GIPC1: variants seen among roughly 807,000 people sequenced by gnomAD.
GIPC1 encodes the protein GIPC PDZ domain containing family member 1.
In GIPC1, 15 loss-of-function variants were observed where a neutral mutation model predicts 28.5. That is an observed-to-expected ratio of 0.53 (90% confidence interval 0.35 to 0.81). The LOEUF is 0.81. Among genes scored for constraint, GIPC1 ranks in the 30% least tolerant of loss-of-function variants. The probability of loss-of-function intolerance (pLI) is 0.01; values close to 1 mark genes in which losing one functional copy is unlikely to be tolerated. For synonymous variants in GIPC1, 224 were observed against 206.1 expected (o/e 1.09, Z -0.74); for missense variants, 439 against 481.9 (o/e 0.91, Z 0.83).
chr19:14,485,348 A>AT (rs34346515), intron 3 of GIPC1, among the ~76,000 whole-genome samples: 50,561 of 147,690 alleles, frequency 0.34, 8,702 homozygotes, highest in South Asian at 0.49. Context: ...ACACCCGACT[A>AT]TTTTTTTTTT....
intron 4 of GIPC1, chr19:14,482,472 C>T (rs948601504): frequency 1.3e-5 from 8 of 602,720 alleles, no homozygotes; most frequent in Non-Finnish European, 2.4e-5. Flanking sequence ...AGCATCCAGC[C>T]CTGGCCTCCA....
At chr19:14,488,015 C>T (rs2071883860) in intron 3 of GIPC1, among the ~76,000 whole-genome samples, 1 of 152,050 alleles carries the variant, frequency 6.6e-6, no homozygotes, top group Admixed American at 6.6e-5. Flanking sequence ...GGAGACAAAG[C>T]AAGACAAGTT....
At chr19:14,486,095 A>C (rs2071838558) in intron 3 of GIPC1, among the ~76,000 whole-genome samples, 1 of 152,148 alleles carries the variant, frequency 6.6e-6, no homozygotes, top group Non-Finnish European at 1.5e-5. Flanking sequence ...TCTGTTGCCC[A>C]GGCTGGTCTG....
Position 14,478,733 on chromosome 19 carries a change from C to T in GIPC1, c.801G>A (p.Lys267=). 1 of 1,613,982 alleles carries T rather than the reference C, an allele frequency of 6.2e-7. No individual in the cohort carries two copies. Among genetic ancestry groups the T allele is most frequent in the East Asian group, 2.2e-5 (1 of 44,866 alleles). The change falls in exon 8 of 9, where the codon AAG becomes AAA. Residue 267 remains lysine, a synonymous_variant. Coordinates refer to ENST00000393033, the MANE Select transcript of GIPC1 (RefSeq NM_005716.4). This position sits in a 1 kb window ranked among gnomAD's most constrained non-coding sequence, Gnocchi z 5.2. ...PSAFEEKAIE[K]VDDLLESYMG... ...TGTAACTCTCCAGCAGGTCATCCAC[C>T]TTCTCAATGGCCTTCTCTTCAAAGG...
intron 3 of GIPC1, 26 bp from the exon 4 acceptor site, chr19:14,483,032 G>T: frequency 1.3e-6 from 2 of 1,549,728 alleles, no homozygotes; most frequent in Non-Finnish European, 1.7e-6. Flanking sequence ...TGGGGCTCAG[G>T]GCCTGGGCAG....
chr19:14,488,483 G>C (rs1024206938), intron 3 of GIPC1, among the ~76,000 whole-genome samples: 1 of 151,778 alleles, frequency 6.6e-6, no homozygotes, highest in Admixed American at 6.6e-5. Flanking sequence ...GCCAGGCGCG[G>C]TGGCTCATGC....
chr19:14,494,028 C>G (rs1235475156), intron 1 of GIPC1, among the ~76,000 whole-genome samples: 1 of 150,722 alleles, frequency 6.6e-6, no homozygotes, highest in Non-Finnish European at 1.5e-5. Context: ...GGCACGATCT[C>G]AGCTCACTGC....
chr19:14,480,821 C>T (rs751591654), intron 4 of GIPC1, 43 bp from the exon 5 acceptor site: 5 of 1,424,854 alleles, frequency 3.5e-6, no homozygotes, highest in Non-Finnish European at 3.9e-6. Flanking sequence ...CCCTCCCTCC[C>T]CCTTTTCTAA....
At chr19:14,490,487 G>C (rs1379338404) in intron 3 of GIPC1, among the ~76,000 whole-genome samples, 3 of 151,366 alleles carry the variant, frequency 2.0e-5, no homozygotes, top group African/African-American at 7.3e-5. Flanking sequence ...AGACTGGCCT[G>C]ACCAACATGG....
At chr19:14,495,659 C>T (rs1266483539) in intron 1 of GIPC1, among the ~76,000 whole-genome samples, 1 of 152,152 alleles carries the variant, frequency 6.6e-6, no homozygotes, top group Non-Finnish European at 1.5e-5. Flanking sequence ...ACTGCGTCCC[C>T]CCCAAGGCCC....
intron 7 of GIPC1, among the ~76,000 whole-genome samples, chr19:14,479,082 T>C (rs373908177): frequency 2.6e-5 from 4 of 152,072 alleles, no homozygotes; most frequent in Non-Finnish European, 2.9e-5. Flanking sequence ...CGGTGGCTCA[T>C]GCCTATAATC....
rs1312045235 is a variant in GIPC1, at chr19:14,479,496, G to T, written c.684C>A (p.Gly228=). Residue 228 remains glycine (G), a synonymous_variant, in exon 7 of 9, where the codon GGC becomes GGA. Transcript: ENST00000393033. The part of the protein sequence containing the change: ...FDMISQRSAG[G]RPGSGPQLGT... ...CCAGTTGTGGGCCAGAGCCAGGGCG[G>T]CCACCCGCTGAACGCTGGCTGATCA... 6.9e-7 allele frequency: 1 copy of T among 1,443,032 alleles called. No individual in the cohort carries two copies. Among genetic ancestry groups the T allele is most frequent in the South Asian group, 1.5e-5 (1 of 67,948 alleles). The allele number at this position is 1,443,032 out of a possible 1,614,324, so 89.4% of individuals were successfully genotyped here. A position where few individuals can be genotyped will look rare whatever the true frequency, so the allele number is the denominator to read the frequency against.
intron 3 of GIPC1, chr19:14,489,696 G>A (rs2071924473): frequency 1.3e-6 from 1 of 755,784 alleles, no homozygotes; most frequent in Non-Finnish European, 2.4e-6. Flanking sequence ...ATTAGGTCAT[G>A]TACATTTTCA....
At chr19:14,480,263 G>T (rs1432281436) in intron 6 of GIPC1, 42 bp downstream of exon 6, 2 of 1,557,996 alleles carry the variant, frequency 1.3e-6, no homozygotes, top group Admixed American at 1.7e-5. Context: ...CTGCGCCCAT[G>T]CGAGCAGCGC....
In GIPC1 at chr19:14,478,264, G is replaced by A. The variant is rs1178525571; in HGVS notation, c.*152C>T. On this transcript the variant is annotated 3_prime_UTR_variant, in exon 9 of 9. Transcript: ENST00000393033. This position sits in a 1 kb window ranked among gnomAD's most constrained non-coding sequence, Gnocchi z 5.2. ...GGAGGGGATGGTACCGATTGGAGCGGGGCAGGGGGCCTGGCCCCACCTCCC... is the reference window on the plus strand; with the variant it reads ...GGAGGGGATGGTACCGATTGGAGCGAGGCAGGGGGCCTGGCCCCACCTCCC... 2.6e-6 allele frequency: 2 copies of A among 757,944 alleles called. No homozygotes were observed. The highest frequency in any genetic ancestry group is 5.4e-5 in the East Asian group (2 of 36,710). The allele number at this position is 757,944 out of a possible 1,614,324, so 47.0% of individuals were successfully genotyped here. A position where few individuals can be genotyped will look rare whatever the true frequency, so the allele number is the denominator to read the frequency against.
At chr19:14,489,486 A>G in intron 3 of GIPC1, 1 of 953,438 alleles carries the variant, frequency 1.0e-6, no homozygotes, top group South Asian at 1.3e-5. Flanking sequence ...TATTGCGGGG[A>G]TTTGATCCCT....
rs1433074755 is a variant in GIPC1, at chr19:14,496,074, G to T, written c.-212C>A. 8.3e-6 allele frequency: 2 copies of T among 240,466 alleles called. No individual in the cohort carries two copies. Among genetic ancestry groups the T allele is most frequent in the African/African-American group, 2.6e-5 (1 of 38,214 alleles). The allele number at this position is 240,466 out of a possible 1,614,324, so 14.9% of individuals were successfully genotyped here. A position where few individuals can be genotyped will look rare whatever the true frequency, so the allele number is the denominator to read the frequency against. On this transcript the variant is annotated 5_prime_UTR_variant, in exon 1 of 9. Transcript: ENST00000393033. ...CGCCGCCGCCGCCGCCGCCGCCGCCGCTGCCTCCGCCTCCCCGTGCGCACC... is the reference window on the plus strand; with the variant it reads ...CGCCGCCGCCGCCGCCGCCGCCGCCTCTGCCTCCGCCTCCCCGTGCGCACC...
intron 3 of GIPC1, among the ~76,000 whole-genome samples, chr19:14,486,296 TCTCAG>T (rs2071842277): frequency 6.6e-6 from 1 of 152,228 alleles, no homozygotes; most frequent in Admixed American, 6.5e-5. Flanking sequence ...TCTATTTTCC[TCTCAG>T]CCACAGTCAC....
At chr19:14,482,474 T>C in intron 4 of GIPC1, 1 of 602,778 alleles carries the variant, frequency 1.7e-6, no homozygotes, top group Non-Finnish European at 2.9e-6. Flanking sequence ...CATCCAGCCC[T>C]GGCCTCCAGT....
Sources: allele counts gnomAD v4.1 joint callset (sites outside exome capture counted in the v4.1 genomes callset), GRCh38; gene constraint gnomAD v4.1.1; non-coding constraint Gnocchi (gnomAD v3.1); transcripts MANE v1.5; gene names NCBI Gene and HGNC (gene_info 2026-07-23, HGNC 2026-07-21).